The following XYLT1 variants were observed in gnomAD, a reference collection of about 807,000 sequenced individuals.
The protein encoded by XYLT1 is xylosyltransferase 1.
In XYLT1, 36 loss-of-function variants were observed where a neutral mutation model predicts 91.3. That is an observed-to-expected ratio of 0.39 (90% confidence interval 0.30 to 0.52). The LOEUF (loss-of-function observed/expected upper bound fraction) is 0.52, where lower values mean the gene tolerates loss of function less well. Ranked by LOEUF, XYLT1 falls within the 20% of genes least tolerant of loss-of-function variation. The pLI, the probability that XYLT1 is intolerant of heterozygous loss-of-function variation, is 0.68. For missense variants in XYLT1, 1,242 were observed against 1,284.5 expected (o/e 0.97, Z 0.51); for synonymous variants, 588 against 532.0 (o/e 1.11, Z -1.45).
chr16:17,120,791 G>A (rs1191380449), intron 10 of XYLT1, among the ~76,000 whole-genome samples: 1 of 152,162 alleles, frequency 6.6e-6, no homozygotes, highest in Non-Finnish European at 1.5e-5. Context: ...TGAACATAGA[G>A]TAGGTGCTCA....
At chr16:17,467,656 G>T (rs1294268826) in intron 1 of XYLT1, among the ~76,000 whole-genome samples, 1 of 152,126 alleles carries the variant, frequency 6.6e-6, no homozygotes, top group Non-Finnish European at 1.5e-5. Context: ...TACAATCAGG[G>T]CCTTCCACCG....
intron 2 of XYLT1, among the ~76,000 whole-genome samples, chr16:17,307,307 C>T (rs1344562661): frequency 6.6e-6 from 1 of 152,190 alleles, no homozygotes; most frequent in Non-Finnish European, 1.5e-5. Flanking sequence ...GAACTCCTGA[C>T]CTCGTGATCG....
chr16:17,235,911 G>C (rs562458509), intron 3 of XYLT1, among the ~76,000 whole-genome samples: 4 of 152,160 alleles, frequency 2.6e-5, no homozygotes, highest in African/African-American at 9.7e-5. Flanking sequence ...CTGTAGCTCA[G>C]GCTGGGGTGC....
At chr16:17,290,488 C>A (rs1345729280) in intron 2 of XYLT1, among the ~76,000 whole-genome samples, 1 of 152,240 alleles carries the variant, frequency 6.6e-6, no homozygotes, top group Non-Finnish European at 1.5e-5. Flanking sequence ...GCCTTACAGG[C>A]AGGGGCCTTC....
chr16:17,125,309 T>A (rs2030219926), intron 10 of XYLT1, among the ~76,000 whole-genome samples: 1 of 152,226 alleles, frequency 6.6e-6, no homozygotes, highest in Non-Finnish European at 1.5e-5. Context: ...TACACTGCTC[T>A]GTCCATCCGA....
intron 1 of XYLT1, among the ~76,000 whole-genome samples, chr16:17,367,508 T>C (rs545162891): frequency 6.6e-6 from 1 of 152,348 alleles, no homozygotes; most frequent in African/African-American, 2.4e-5. Flanking sequence ...GTGGCCCAAC[T>C]GGAACCAATA....
chr16:17,207,038 GTTTTC>G (rs1567322963), intron 3 of XYLT1, among the ~76,000 whole-genome samples: 1 of 142,970 alleles, frequency 7.0e-6, no homozygotes, highest in East Asian at 2.0e-4. Flanking sequence ...AGTCAGGTTG[GTTTTC>G]TTTTCTTTCT....
At chr16:17,327,008 G>A (rs980179423) in intron 2 of XYLT1, among the ~76,000 whole-genome samples, 6 of 152,174 alleles carry the variant, frequency 3.9e-5, no homozygotes, top group African/African-American at 1.4e-4. Flanking sequence ...ATGGCAGAAG[G>A]CCAAGGACAA....
At chr16:17,120,137 C>T (rs916162236) in intron 10 of XYLT1, among the ~76,000 whole-genome samples, 1 of 152,150 alleles carries the variant, frequency 6.6e-6, no homozygotes, top group African/African-American at 2.4e-5. Flanking sequence ...TGGGACCCTC[C>T]AGTGCCTAGC....
At chr16:17,324,525 T>C (rs2141832825) in intron 2 of XYLT1, among the ~76,000 whole-genome samples, 1 of 152,316 alleles carries the variant, frequency 6.6e-6, no homozygotes, top group Admixed American at 6.5e-5. Context: ...AAATAAAAGA[T>C]TGACTTGCTT....
At chr16:17,327,415 T>C (rs2034824126) in intron 2 of XYLT1, among the ~76,000 whole-genome samples, 2 of 146,386 alleles carry the variant, frequency 1.4e-5, no homozygotes, top group South Asian at 2.2e-4. Flanking sequence ...CAGGCTGGAG[T>C]GCAGTGGCGC....
chr16:17,191,223 G>T (rs1417757960), intron 5 of XYLT1, among the ~76,000 whole-genome samples: 1 of 152,196 alleles, frequency 6.6e-6, no homozygotes, highest in African/African-American at 2.4e-5. Flanking sequence ...TTAGAATAAT[G>T]CTAGGAATGT....
At chr16:17,417,555 T>C (rs990759518) in intron 1 of XYLT1, among the ~76,000 whole-genome samples, 2 of 152,152 alleles carry the variant, frequency 1.3e-5, no homozygotes, top group Non-Finnish European at 2.9e-5. Flanking sequence ...ACAAAAGCTC[T>C]CTTAGCATCA....
chr16:17,109,503 T>C (rs149054667), intron 11 of XYLT1, among the ~76,000 whole-genome samples: 1 of 152,094 alleles, frequency 6.6e-6, no homozygotes, highest in South Asian at 2.1e-4. Flanking sequence ...AATAAGTAGA[T>C]AAATAAGGTT....
chr16:17,221,344 T>C (rs1478043381), intron 3 of XYLT1, among the ~76,000 whole-genome samples: 2 of 152,164 alleles, frequency 1.3e-5, no homozygotes, highest in Non-Finnish European at 2.9e-5. Context: ...ATGCCGGGCA[T>C]GGTATCAAGA....
intron 1 of XYLT1, among the ~76,000 whole-genome samples, chr16:17,439,745 C>T (rs1193042156): frequency 6.6e-6 from 1 of 152,126 alleles, no homozygotes; most frequent in African/African-American, 2.4e-5. Context: ...AACAACAAAC[C>T]GAGACTTCCT....
intron 2 of XYLT1, among the ~76,000 whole-genome samples, chr16:17,269,792 T>TTTAGTATTATTA: frequency 7.1e-6 from 1 of 141,724 alleles, no homozygotes; most frequent in Admixed American, 7.1e-5. Flanking sequence ...TCCTTCTCCC[T>TTTAGTATTATTA]TTATTATTAT....
At position 17,319,397 on chromosome 16, in the gene XYLT1, A is replaced by G. The variant is rs577347165; in HGVS notation, c.402+38615T>C. On this transcript the variant is annotated intron_variant, in intron 2 of 11. Coordinates refer to ENST00000261381, the MANE Select transcript of XYLT1 (RefSeq NM_022166.4). The stretch of plus-strand genomic sequence containing the variant: ...TTTCCCAAATTCCGCATCAGAACAC[A>G]TAGGCTGATCAAAGAATGGGTCAGA... Among the ~76,000 whole-genome samples the G allele has an allele frequency of 1.6e-3, 249 of 152,150 alleles. 1 individual carries two copies. The highest frequency in any genetic ancestry group is 5.7e-3 in the African/African-American group (238 of 41,516).
intron 2 of XYLT1, among the ~76,000 whole-genome samples, chr16:17,303,529 G>A (rs2034428446): frequency 6.6e-6 from 1 of 152,204 alleles, no homozygotes; most frequent in African/African-American, 2.4e-5. Flanking sequence ...ATGCCCCCGT[G>A]AGTCCCCAGT....
Sources: gnomAD v4.1 joint callset for allele counts (sites outside exome capture counted in the v4.1 genomes callset) on GRCh38, gnomAD v4.1.1 for gene constraint, MANE v1.5 for transcripts, NCBI Gene and HGNC (gene_info 2026-07-23, HGNC 2026-07-21) for gene names.